The following GRHL2 variants were observed in gnomAD, a reference collection of about 807,000 sequenced individuals.
GRHL2 encodes grainyhead-like protein 2 homolog.
In GRHL2, 21 loss-of-function variants were observed where a neutral mutation model predicts 83.8. The observed-to-expected ratio is 0.25, with a 90% CI of 0.18 to 0.36. GRHL2 has a LOEUF of 0.36. Among genes scored for constraint, GRHL2 ranks in the 10% least tolerant of loss-of-function variants. The pLI is 1.00. For synonymous variants in GRHL2, 280 were observed against 278.9 expected (o/e 1.00, Z -0.04); for missense variants, 623 against 781.8 (o/e 0.80, Z 2.42).
chr8:101,611,007 G>A (rs947393679), intron 8 of GRHL2, among the ~76,000 whole-genome samples: 3 of 151,042 alleles, frequency 2.0e-5, no homozygotes, highest in Non-Finnish European at 2.9e-5. Flanking sequence ...GGTAACCAGC[G>A]ACTGCAGACA....
intron 1 of GRHL2, among the ~76,000 whole-genome samples, chr8:101,524,735 A>G (rs1346906109): frequency 6.6e-6 from 1 of 152,068 alleles, no homozygotes; most frequent in Non-Finnish European, 1.5e-5. Context: ...GTCTTGCTTA[A>G]TGGCCTGATA....
chr8:101,494,935 T>G (rs1240896859), intron 1 of GRHL2, among the ~76,000 whole-genome samples: 1 of 152,258 alleles, frequency 6.6e-6, no homozygotes, highest in Non-Finnish European at 1.5e-5. Context: ...AAGTAATCGT[T>G]ACAATGGTGC....
At chr8:101,510,314 C>T (rs2130004794) in intron 1 of GRHL2, among the ~76,000 whole-genome samples, 1 of 152,174 alleles carries the variant, frequency 6.6e-6, no homozygotes, top group South Asian at 2.1e-4. Flanking sequence ...TAATTTTTTG[C>T]AAACTAACTC....
chr8:101,621,349 A>G (rs1293343156), intron 9 of GRHL2, among the ~76,000 whole-genome samples: 1 of 152,228 alleles, frequency 6.6e-6, no homozygotes, highest in Non-Finnish European at 1.5e-5. Flanking sequence ...ATCAATGTAA[A>G]TCACAATTTG....
At chr8:101,605,122 G>C (rs1325862240) in intron 8 of GRHL2, among the ~76,000 whole-genome samples, 1 of 152,204 alleles carries the variant, frequency 6.6e-6, no homozygotes, top group African/African-American at 2.4e-5. Context: ...TTTAGAAAGG[G>C]CCAAGGACAC....
chr8:101,622,383 A>G (rs1812983746), intron 9 of GRHL2, among the ~76,000 whole-genome samples: 1 of 152,244 alleles, frequency 6.6e-6, no homozygotes, highest in African/African-American at 2.4e-5. Flanking sequence ...ACTTTAGACA[A>G]GCAATATTAC....
intron 1 of GRHL2, among the ~76,000 whole-genome samples, chr8:101,519,678 A>T (rs894617370): frequency 6.6e-6 from 1 of 151,844 alleles, no homozygotes; most frequent in Admixed American, 6.6e-5. Flanking sequence ...AATGACCTTC[A>T]TCCACATCAC....
intron 1 of GRHL2, among the ~76,000 whole-genome samples, chr8:101,535,190 T>C (rs1811019722): frequency 6.6e-6 from 1 of 152,170 alleles, no homozygotes; most frequent in Admixed American, 6.5e-5. Context: ...TAGTTAACCT[T>C]TGTGTGTGTT....
intron 8 of GRHL2, among the ~76,000 whole-genome samples, chr8:101,606,590 T>A (rs1323056372): frequency 6.6e-6 from 1 of 152,244 alleles, no homozygotes; most frequent in Non-Finnish European, 1.5e-5. Context: ...TGATTTAATG[T>A]CCCAGCACTG....
intron 4 of GRHL2, chr8:101,562,330 C>G: frequency 1.5e-6 from 1 of 649,448 alleles, no homozygotes; most frequent in Non-Finnish European, 2.6e-6. Flanking sequence ...TTCAGGAATG[C>G]TTTGGTTCAC....
chr8:101,652,236 C>T (rs1813637617), intron 14 of GRHL2, among the ~76,000 whole-genome samples: 1 of 151,608 alleles, frequency 6.6e-6, no homozygotes, highest in Non-Finnish European at 1.5e-5. Context: ...TGGTAATATG[C>T]ATGTGTATAA....
At chr8:101,532,731 G>A (rs1239841766) in intron 1 of GRHL2, among the ~76,000 whole-genome samples, 2 of 151,374 alleles carry the variant, frequency 1.3e-5, no homozygotes, top group Non-Finnish European at 2.9e-5. Context: ...TCCAGCCTGG[G>A]GGACAGAGCG....
chr8:101,560,265 G>A (rs889662581), intron 4 of GRHL2, among the ~76,000 whole-genome samples: 12 of 152,280 alleles, frequency 7.9e-5, no homozygotes, highest in African/African-American at 2.4e-4. Flanking sequence ...CTGACCTCAG[G>A]TGATCCGCCT....
At chr8:101,568,634 AT>A (rs368455425) in intron 4 of GRHL2, among the ~76,000 whole-genome samples, 6 of 150,768 alleles carry the variant, frequency 4.0e-5, no homozygotes, top group African/African-American at 1.5e-4. Flanking sequence ...ACCAATTTTT[AT>A]CTCTCTGAGG....
At chr8:101,661,230 G>T (rs1813914398) in intron 14 of GRHL2, among the ~76,000 whole-genome samples, 3 of 152,212 alleles carry the variant, frequency 2.0e-5, no homozygotes, top group Non-Finnish European at 4.4e-5. Context: ...GCCCAGAGAA[G>T]CCAAAAGATT....
chr8:101,610,571 AT>A lies in GRHL2; in HGVS notation c.1099-8966del, dbSNP rs1249861965. ...GAGAGATAATGTTGACGATAGTAAAATTCTTTCGATTTTCATGACACTCTAC... is the reference window on the plus strand; with the variant it reads ...GAGAGATAATGTTGACGATAGTAAAATCTTTCGATTTTCATGACACTCTAC... On this transcript the variant is annotated intron_variant, in intron 8 of 15. Transcript: ENST00000646743. 2.6e-5 allele frequency among the ~76,000 whole-genome samples: 4 copies of A among 150,968 alleles called. No individual in the cohort carries two copies. The East Asian group carries it at 5.8e-4, about 22-fold the overall frequency.
chr8:101,658,318 A>G (rs1205727196), intron 14 of GRHL2, among the ~76,000 whole-genome samples: 5 of 152,202 alleles, frequency 3.3e-5, no homozygotes, highest in Non-Finnish European at 7.3e-5. Flanking sequence ...TTGAGAATCT[A>G]AAGCCATCTG....
intron 7 of GRHL2, among the ~76,000 whole-genome samples, chr8:101,586,196 C>T (rs571088035): frequency 2.6e-5 from 4 of 151,694 alleles, no homozygotes; most frequent in Non-Finnish European, 5.9e-5. Context: ...TCTCCTGCCT[C>T]AGCCTCCCGA....
At chr8:101,672,522 C>T (rs184297940), downstream of GRHL2, among the ~76,000 whole-genome samples, 3 of 151,672 alleles carry the variant, frequency 2.0e-5, no homozygotes, top group African/African-American at 7.3e-5. Context: ...TAAGAAGAAA[C>T]AAACAAAGCC....
Sources: allele counts gnomAD v4.1 joint callset (sites outside exome capture counted in the v4.1 genomes callset), GRCh38; gene constraint gnomAD v4.1.1; transcripts MANE v1.5; gene names NCBI Gene and HGNC (gene_info 2026-07-23, HGNC 2026-07-21).